Variants in P3H2 observed in about 807,000 individuals in gnomAD.
The protein encoded by P3H2 is leprecan-like 1.
A neutral mutation model predicts 87.0 loss-of-function variants in P3H2; 80 were observed. The observed-to-expected ratio is 0.92, with a 90% CI of 0.77 to 1.11. The LOEUF (loss-of-function observed/expected upper bound fraction) is 1.11, where lower values mean the gene tolerates loss of function less well. P3H2 is among the 50% of genes least tolerant of loss of function. The probability of loss-of-function intolerance (pLI) is 0.00; values close to 1 mark genes in which losing one functional copy is unlikely to be tolerated. For synonymous variants in P3H2, 367 were observed against 359.3 expected, an observed-to-expected ratio of 1.02 and a Z score of -0.24; for missense variants, 1,001 against 923.9, an observed-to-expected ratio of 1.08 and a Z score of -1.08.
intron 1 of P3H2, among the ~76,000 whole-genome samples, chr3:190,115,710 C>A (rs1489157615): frequency 1.3e-5 from 2 of 152,326 alleles, no homozygotes; most frequent in East Asian, 3.9e-4. Flanking sequence ...TTCCAACTGA[C>A]CAGCCAGGAA....
In P3H2 at chr3:190,095,303, CATATATATATATATAT is replaced by C. The variant is rs57074960; in HGVS notation, c.480+24933_480+24948del. ...GTCTCAAAGACAAATTGTCTCAAAA[CATATATATATATATAT>C]ATATATATATATATATATATATATA... On this transcript the variant is annotated intron_variant, in intron 1 of 14. Transcript: ENST00000319332. Among the ~76,000 whole-genome samples, 217 of 49,450 alleles carry C rather than the reference CATATATATATATATAT, an allele frequency of 4.4e-3. 1 individual carries two copies. Among genetic ancestry groups the C allele is most frequent in the Middle Eastern group, 0.022 (1 of 46 alleles). 32.4% of individuals were successfully genotyped at this position (49,450 alleles called of 152,430 possible). A position where few individuals can be genotyped will look rare whatever the true frequency, so the allele number is the denominator to read the frequency against.
At chr3:190,090,035 G>A (rs1219659823) in intron 1 of P3H2, among the ~76,000 whole-genome samples, 3 of 152,132 alleles carry the variant, frequency 2.0e-5, no homozygotes, top group South Asian at 2.1e-4. Context: ...CACAAAGACC[G>A]AAGTCAATGA....
At chr3:190,052,688 T>C (rs1314863280) in intron 1 of P3H2, among the ~76,000 whole-genome samples, 2 of 151,206 alleles carry the variant, frequency 1.3e-5, no homozygotes, top group Non-Finnish European at 3.0e-5. Flanking sequence ...TGTGTGTGTG[T>C]GTATATATAT....
At chr3:189,999,536 T>A (rs1724148202) in intron 1 of P3H2, among the ~76,000 whole-genome samples, 1 of 152,184 alleles carries the variant, frequency 6.6e-6, no homozygotes, top group Non-Finnish European at 1.5e-5. Flanking sequence ...TGGAGGTTAT[T>A]ACAAGGCATA....
In P3H2 at chr3:190,120,839, C is replaced by G. The variant is rs1712552020; in HGVS notation, c.-108G>C. On this transcript the variant is annotated 5_prime_UTR_variant, in exon 1 of 15. Transcript: ENST00000319332. The stretch of plus-strand genomic sequence containing the variant: ...CCTCGGGGAAGCGCGCCGACTCCGC[C>G]GCGATCTGGCCGCTCCGCGAGCCCC... The G allele has an allele frequency of 7.0e-7, 1 of 1,437,970 alleles. No individual in the cohort carries two copies. The allele number at this position is 1,437,970 out of a possible 1,614,324, so 89.1% of individuals were successfully genotyped here.
chr3:190,103,272 T>C (rs1373867615), intron 1 of P3H2, among the ~76,000 whole-genome samples: 1 of 152,210 alleles, frequency 6.6e-6, no homozygotes, highest in African/African-American at 2.4e-5. Context: ...TGAGTTTCCA[T>C]CACGTGCAAG....
chr3:189,994,302 G>T lies in P3H2; in HGVS notation c.634-19C>A. 1 of 1,480,674 alleles carries T rather than the reference G, an allele frequency of 6.8e-7. No individual in the cohort carries two copies. The highest frequency in any genetic ancestry group is 2.4e-5 in the East Asian group (1 of 41,720). The allele number at this position is 1,480,674 out of a possible 1,614,324, so 91.7% of individuals were successfully genotyped here. A position where few individuals can be genotyped will look rare whatever the true frequency, so the allele number is the denominator to read the frequency against. ...AACTCTCCTGTAATGAAACAGACGGGAAAAAACAAACAAACAAACAAACAA... is the reference window on the plus strand; with the variant it reads ...AACTCTCCTGTAATGAAACAGACGGTAAAAAACAAACAAACAAACAAACAA... On this transcript the variant is annotated intron_variant, in intron 2 of 14. Transcript: ENST00000319332.
intron 1 of P3H2, among the ~76,000 whole-genome samples, chr3:190,065,247 T>C (rs891653678): frequency 1.3e-5 from 2 of 152,196 alleles, no homozygotes; most frequent in Non-Finnish European, 1.5e-5. Context: ...GACTGAGTTA[T>C]ACATCAGAAT....
chr3:189,973,502 TCTTTCTTTC>T (rs1486235020), intron 10 of P3H2, among the ~76,000 whole-genome samples: 3 of 62,946 alleles, frequency 4.8e-5, no homozygotes, highest in African/African-American at 1.3e-4. Context: ...TTTCTTTCTT[TCTTTCTTTC>T]TTTTTTTTTT....
intron 1 of P3H2, 121 bp downstream of exon 1, chr3:190,120,129 GAC>G (rs1178492645): frequency 9.0e-7 from 1 of 1,112,022 alleles, no homozygotes; most frequent in Non-Finnish European, 1.3e-6. Flanking sequence ...CACAAACTGA[GAC>G]ACATATTTAA....
chr3:190,037,238 A>T (rs1005588432), intron 1 of P3H2, among the ~76,000 whole-genome samples: 1 of 152,132 alleles, frequency 6.6e-6, no homozygotes, highest in African/African-American at 2.4e-5. Flanking sequence ...TTTTCAACTT[A>T]ATTCTAGAAT....
chr3:190,120,079 A>G (rs1024654829), intron 1 of P3H2, among the ~76,000 whole-genome samples, 173 bp downstream of exon 1: 2 of 152,246 alleles, frequency 1.3e-5, no homozygotes, highest in African/African-American at 2.4e-5. Context: ...AAGTTAATCA[A>G]TTGTTGCATA....
intron 1 of P3H2, among the ~76,000 whole-genome samples, chr3:190,003,194 T>C (rs1724269295): frequency 6.6e-6 from 1 of 152,246 alleles, no homozygotes; most frequent in Non-Finnish European, 1.5e-5. Flanking sequence ...TTATGCTCTT[T>C]CCCTCAATTA....
rs536280356 is a variant in P3H2 at position 190,101,039 on chromosome 3, T to C, written c.480+19213A>G. Among the ~76,000 whole-genome samples the C allele has an allele frequency of 8.5e-5, 13 of 152,212 alleles. 1 individual carries two copies. In the East Asian group the frequency reaches 2.3e-3, roughly 27 times the overall value. On this transcript the variant is annotated intron_variant, in intron 1 of 14. Transcript: ENST00000319332. Reference sequence around the variant, plus strand: ...TGATAACTGATCTTTGATGTTACTATTGCAGCTGGTTCGGGCCCCACAAAC... The same window carrying C: ...TGATAACTGATCTTTGATGTTACTACTGCAGCTGGTTCGGGCCCCACAAAC...
chr3:190,070,736 C>T (rs1020999894), intron 1 of P3H2, among the ~76,000 whole-genome samples: 2 of 152,194 alleles, frequency 1.3e-5, no homozygotes, highest in African/African-American at 2.4e-5. Flanking sequence ...AGTTAAACAA[C>T]ACATTGTCTG....
chr3:190,008,616 T>C (rs978199989), intron 1 of P3H2, among the ~76,000 whole-genome samples: 29 of 152,164 alleles, frequency 1.9e-4, no homozygotes, highest in Admixed American at 1.6e-3. Flanking sequence ...TGTGGCAGAG[T>C]GTAGCAGCTG....
Position 190,041,091 on chromosome 3 carries a change from CTATATATATATATATACTA to C in P3H2, c.481-45668_481-45650del, listed in dbSNP as rs1280630689. On this transcript the variant is annotated intron_variant, in intron 1 of 14. Transcript: ENST00000319332. ...ACACACACACACACACTCTCTCTCT[CTATATATATATATATACTA>C]TATATATATATATAAGCTGGGCATG... 7.5e-4 allele frequency among the ~76,000 whole-genome samples: 38 copies of C among 50,864 alleles called. 1 individual carries two copies. The highest frequency in any genetic ancestry group is 2.0e-3 in the African/African-American group (38 of 19,224). 33.4% of individuals were successfully genotyped at this position (50,864 alleles called of 152,430 possible).
At position 190,021,204 on chromosome 3, in the gene P3H2, A is replaced by G. The variant is rs372344732; in HGVS notation, c.481-25762T>C. Among the ~76,000 whole-genome samples, 3 of 134,618 alleles carry G rather than the reference A, an allele frequency of 2.2e-5. 1 individual carries two copies. The highest frequency in any genetic ancestry group is 7.7e-5 in the African/African-American group (3 of 38,924). The allele number at this position is 134,618 out of a possible 152,430, so 88.3% of individuals were successfully genotyped here. ...CTGAAAAATTAATAAAACAACAAAA[A>G]GTGCTTGCGAGGTTCCAGAGATTTT... On this transcript the variant is annotated intron_variant, in intron 1 of 14. Coordinates refer to ENST00000319332, the MANE Select transcript of P3H2 (RefSeq NM_018192.4).
chr3:189,983,207 C>T, intron 7 of P3H2, 67 bp from the exon 8 acceptor site: 5 of 1,194,944 alleles, frequency 4.2e-6, no homozygotes, highest in Non-Finnish European at 3.7e-6. Context: ...GCAAAGAATA[C>T]TTTACCAAGG....
Sources: allele counts gnomAD v4.1 joint callset (sites outside exome capture counted in the v4.1 genomes callset), GRCh38; gene constraint gnomAD v4.1.1; transcripts MANE v1.5; gene names NCBI Gene and HGNC (gene_info 2026-07-23, HGNC 2026-07-21).